Variants in SRD5A2 observed in about 807,000 individuals in gnomAD.
SRD5A2 encodes 3-oxo-5-alpha-steroid 4-dehydrogenase 2.
SRD5A2 carries 30 observed loss-of-function variants against 27.4 expected under a neutral mutation model. That is an observed-to-expected ratio of 1.10 (90% CI 0.82 to 1.49). The LOEUF (loss-of-function observed/expected upper bound fraction) is 1.49, where lower values mean the gene tolerates loss of function less well. Among genes scored for constraint, SRD5A2 ranks in the 40% most tolerant of loss-of-function variants. The pLI is 0.00. For missense variants in SRD5A2, 348 were observed against 323.4 expected (o/e 1.08, Z -0.58); for synonymous variants, 141 against 133.6 (o/e 1.06, Z -0.38).
At chr2:31,545,092 T>C (rs1024295225) in intron 1 of SRD5A2, among the ~76,000 whole-genome samples, 2 of 151,748 alleles carry the variant, frequency 1.3e-5, no homozygotes, top group Non-Finnish European at 2.9e-5. Context: ...AAAAAAGCCC[T>C]TGATCTAACA....
At chr2:31,534,954 G>GA (rs1323164714) in intron 1 of SRD5A2, among the ~76,000 whole-genome samples, 4 of 151,968 alleles carry the variant, frequency 2.6e-5, no homozygotes, top group African/African-American at 9.7e-5. Context: ...TTCCTATGAA[G>GA]AAGCACATTT....
At chr2:31,611,036 G>A in the SRD5A2 span, among the ~76,000 whole-genome samples, 1 of 152,204 alleles carries the variant, frequency 6.6e-6, no homozygotes, top group African/African-American at 2.4e-5. Context: ...TTGAACCCAG[G>A]AGGCAGAGTT....
chr2:31,580,548 C>A, intron 1 of SRD5A2, 72 bp downstream of exon 1: 5 of 1,419,724 alleles, frequency 3.5e-6, no homozygotes, highest in Non-Finnish European at 4.6e-6. Context: ...GGTGCGCGCT[C>A]CACGCTGCGC....
the SRD5A2 span, among the ~76,000 whole-genome samples, chr2:31,604,333 A>G: frequency 2.6e-5 from 4 of 151,846 alleles, no homozygotes; most frequent in Admixed American, 2.6e-4. Flanking sequence ...TTGAAAAGGA[A>G]GAAGTCATAT....
chr2:31,571,621 T>A (rs1433708004), intron 1 of SRD5A2, among the ~76,000 whole-genome samples: 1 of 152,180 alleles, frequency 6.6e-6, no homozygotes, highest in Non-Finnish European at 1.5e-5. Flanking sequence ...AAACTGTGCA[T>A]CTGACAAAGG....
chr2:31,554,269 C>A (rs1190724036), intron 1 of SRD5A2, among the ~76,000 whole-genome samples: 1 of 152,096 alleles, frequency 6.6e-6, no homozygotes, highest in Non-Finnish European at 1.5e-5. Context: ...AAGATAAACA[C>A]TAACTCCCTG....
the SRD5A2 span, among the ~76,000 whole-genome samples, chr2:31,659,555 C>T: frequency 3.3e-5 from 5 of 152,224 alleles, no homozygotes; most frequent in African/African-American, 1.2e-4. Context: ...AGCTGAGAGC[C>T]AGATCAAGAC....
chr2:31,541,779 G>T (rs959458815), intron 1 of SRD5A2, among the ~76,000 whole-genome samples: 1 of 152,160 alleles, frequency 6.6e-6, no homozygotes, highest in African/African-American at 2.4e-5. Flanking sequence ...CTGGGAAATG[G>T]ACAGTACAGT....
At chr2:31,639,629 C>A in the SRD5A2 span, among the ~76,000 whole-genome samples, 2 of 151,870 alleles carry the variant, frequency 1.3e-5, no homozygotes, top group East Asian at 3.9e-4. Context: ...TCTCACATGG[C>A]AGTTATTTTT....
At chr2:31,642,722 T>C in the SRD5A2 span, among the ~76,000 whole-genome samples, 5 of 151,926 alleles carry the variant, frequency 3.3e-5, no homozygotes, top group Admixed American at 6.6e-5. Context: ...AGAAAGTACA[T>C]AGAAACTTTA....
Position 31,580,645 on chromosome 2 carries a change from G to C in SRD5A2, c.256C>G (p.Leu86Val), listed in dbSNP as rs756975134. Residue 86 changes from leucine (L) to valine (V), a missense_variant, in exon 1 of 5, where the codon CTC becomes GTC. By Grantham distance (32) the Leu-to-Val change is conservative (BLOSUM62 1). Coordinates refer to ENST00000622030, the MANE Select transcript of SRD5A2 (RefSeq NM_000348.4). ...CTGTGGAAGTAATGTAGGCAGAAGAGGCCCAGAAGTACCGTCCCAGGTGGC... is the reference window on the plus strand; with the variant it reads ...CTGTGGAAGTAATGTAGGCAGAAGACGCCCAGAAGTACCGTCCCAGGTGGC... The part of the protein sequence containing the change: ...FGPPGTVLLG[L>V]FCLHYFHRTF... 3 of 1,585,154 alleles carry C rather than the reference G, an allele frequency of 1.9e-6. No individual in the cohort carries two copies. Among genetic ancestry groups the C allele is most frequent in the East Asian group, 2.3e-5 (1 of 44,360 alleles).
chr2:31,556,490 A>T (rs778592694), intron 1 of SRD5A2, among the ~76,000 whole-genome samples: 5 of 152,242 alleles, frequency 3.3e-5, no homozygotes, highest in African/African-American at 2.4e-5. Context: ...CATCCTGTAT[A>T]ATCCACGTGG....
the SRD5A2 span, among the ~76,000 whole-genome samples, chr2:31,589,422 A>C: frequency 6.6e-6 from 1 of 152,200 alleles, no homozygotes; most frequent in Admixed American, 6.5e-5. Flanking sequence ...TGAGGGCAGG[A>C]AGGTGTGCTC....
At chr2:31,660,395 C>G in the SRD5A2 span, among the ~76,000 whole-genome samples, 1 of 152,048 alleles carries the variant, frequency 6.6e-6, no homozygotes, top group Non-Finnish European at 1.5e-5. Context: ...CTCAGCAACC[C>G]CACTTCTAAA....
intron 1 of SRD5A2, among the ~76,000 whole-genome samples, chr2:31,559,201 GT>G (rs1447237572): frequency 1.3e-5 from 2 of 152,148 alleles, no homozygotes; most frequent in Non-Finnish European, 2.9e-5. Context: ...GGCTGCAAAT[GT>G]TGCCACTTTG....
rs565655970 is a variant in SRD5A2 at position 31,557,241 on chromosome 2, A to G, written c.281+23379T>C. Among the ~76,000 whole-genome samples, 148 of 152,346 alleles carry G rather than the reference A, an allele frequency of 9.7e-4. 1 individual carries two copies. The highest frequency in any genetic ancestry group is 3.2e-3 in the African/African-American group (135 of 41,590). On this transcript the variant is annotated intron_variant, in intron 1 of 4. Transcript: ENST00000622030. Reference sequence around the variant, plus strand: ...GAGGAATCACCCTGAAGACAAATTAATCACAACCTTGGGCACATGACTTTG... The same window carrying G: ...GAGGAATCACCCTGAAGACAAATTAGTCACAACCTTGGGCACATGACTTTG...
the SRD5A2 span, among the ~76,000 whole-genome samples, chr2:31,661,468 G>GAGAC: frequency 1.3e-5 from 2 of 152,132 alleles, no homozygotes; most frequent in African/African-American, 4.8e-5. Flanking sequence ...GCTACACAAG[G>GAGAC]AGACACTCTA....
the SRD5A2 span, among the ~76,000 whole-genome samples, chr2:31,600,606 C>G: frequency 6.6e-6 from 1 of 151,664 alleles, no homozygotes; most frequent in East Asian, 1.9e-4. Context: ...TTTTCATATG[C>G]TTGTTGGCCA....
upstream of SRD5A2, chr2:31,580,947 G>A: frequency 1.3e-6 from 2 of 1,558,602 alleles, no homozygotes; most frequent in Non-Finnish European, 8.7e-7. Context: ...AGAAGAGAGC[G>A]CGGCCCCCGC....
Sources: allele counts gnomAD v4.1 joint callset (sites outside exome capture counted in the v4.1 genomes callset), GRCh38; gene constraint gnomAD v4.1.1; transcripts MANE v1.5; gene names NCBI Gene and HGNC (gene_info 2026-07-23, HGNC 2026-07-21).